Variants in TRAPPC10 observed in about 807,000 individuals in gnomAD.
TRAPPC10 encodes the protein trafficking protein particle complex subunit 10, also known as TRAPP 130 kDa subunit.
TRAPPC10 carries 23 observed loss-of-function variants against 125.5 expected under a neutral mutation model. The observed-to-expected ratio is 0.18, with a 90% CI of 0.13 to 0.26. The LOEUF is 0.26. Ranked by LOEUF, TRAPPC10 falls within the 10% of genes least tolerant of loss-of-function variation. TRAPPC10 has a pLI of 1.00. For synonymous variants in TRAPPC10, 509 were observed against 518.0 expected, an observed-to-expected ratio of 0.98 and a Z score of 0.24; for missense variants, 1,123 against 1,308.4, an observed-to-expected ratio of 0.86 and a Z score of 2.19.
chr21:44,085,362 A>G (rs2038052958), intron 15 of TRAPPC10, among the ~76,000 whole-genome samples: 1 of 152,138 alleles, frequency 6.6e-6, no homozygotes, highest in African/African-American at 2.4e-5. Context: ...ACAGGGTTTC[A>G]TAAATATGTA....
intron 3 of TRAPPC10, among the ~76,000 whole-genome samples, chr21:44,040,079 A>C (rs908080840): frequency 6.6e-6 from 1 of 152,246 alleles, no homozygotes; most frequent in Non-Finnish European, 1.5e-5. Context: ...ATTTGCAACT[A>C]AACTTTTCCT....
intron 3 of TRAPPC10, among the ~76,000 whole-genome samples, chr21:44,041,451 A>G (rs2034413173): frequency 6.6e-6 from 1 of 151,696 alleles, no homozygotes; most frequent in Non-Finnish European, 1.5e-5. Flanking sequence ...ATCTTGGCTC[A>G]CTGCAACCTC....
intron 15 of TRAPPC10, among the ~76,000 whole-genome samples, chr21:44,084,809 C>A (rs556761270): frequency 1.3e-5 from 2 of 152,296 alleles, no homozygotes; most frequent in East Asian, 3.9e-4. Flanking sequence ...CTCTCACAAC[C>A]CCCTTTCTGG....
chr21:44,033,385 T>C (rs1258212526), intron 2 of TRAPPC10, among the ~76,000 whole-genome samples: 1 of 152,182 alleles, frequency 6.6e-6, no homozygotes, highest in Admixed American at 6.5e-5. Flanking sequence ...GTTGCTAATA[T>C]TTAATATAAA....
chr21:44,018,368 C>T (rs1032902112), intron 1 of TRAPPC10, among the ~76,000 whole-genome samples: 1 of 150,600 alleles, frequency 6.6e-6, no homozygotes, highest in Non-Finnish European at 1.5e-5. Flanking sequence ...TTGTACCTCA[C>T]ACTGCAACCT....
At chr21:44,050,991 G>A (rs897103523) in intron 3 of TRAPPC10, among the ~76,000 whole-genome samples, 6 of 152,076 alleles carry the variant, frequency 3.9e-5, no homozygotes, top group African/African-American at 1.2e-4. Context: ...TACAACCTCC[G>A]CCTCCCAGTT....
chr21:44,031,284 G>A (rs138030688), intron 1 of TRAPPC10, among the ~76,000 whole-genome samples: 1,614 of 152,278 alleles, frequency 0.011, 32 homozygotes, highest in African/African-American at 0.037. Flanking sequence ...CTAAAGTAAA[G>A]AGGATCCTCT....
At chr21:44,038,058 G>T in intron 3 of TRAPPC10, 131 bp downstream of exon 3, 1 of 1,290,784 alleles carries the variant, frequency 7.7e-7, no homozygotes, top group South Asian at 1.4e-5. Context: ...AGAGTGCTGT[G>T]TGAGTACCAG....
intron 5 of TRAPPC10, among the ~76,000 whole-genome samples, chr21:44,056,609 C>T (rs1012576417): frequency 6.6e-6 from 1 of 152,176 alleles, no homozygotes; most frequent in Non-Finnish European, 1.5e-5. Context: ...AAATGATCAT[C>T]TCACGGCAGT....
At chr21:44,055,589 AAAAAGG>A in intron 4 of TRAPPC10, 103 bp from the exon 5 acceptor site, 1 of 901,370 alleles carries the variant, frequency 1.1e-6, no homozygotes, top group Non-Finnish European at 1.6e-6. Flanking sequence ...AAAAAAAAAA[AAAAAGG>A]AGGAGGAAGG....
chr21:44,040,463 C>T (rs1392564952), intron 3 of TRAPPC10, among the ~76,000 whole-genome samples: 1 of 152,050 alleles, frequency 6.6e-6, no homozygotes, highest in African/African-American at 2.4e-5. Context: ...CTACCTCAGC[C>T]TCTTGATTGA....
chr21:44,051,715 A>G (rs1218856288), intron 3 of TRAPPC10, among the ~76,000 whole-genome samples: 1 of 152,234 alleles, frequency 6.6e-6, no homozygotes, highest in Non-Finnish European at 1.5e-5. Flanking sequence ...TCACAGCTGT[A>G]GCTGCTTGCC....
intron 1 of TRAPPC10, among the ~76,000 whole-genome samples, chr21:44,015,489 C>G (rs1184893078): frequency 6.6e-6 from 1 of 152,214 alleles, no homozygotes; most frequent in African/African-American, 2.4e-5. Flanking sequence ...ATGGTCATAG[C>G]CGACTGCAGC....
At chr21:44,084,045 G>A (rs572525333) in intron 14 of TRAPPC10, 77 bp from the exon 15 acceptor site, 106 of 1,564,448 alleles carry the variant, frequency 6.8e-5, no homozygotes, top group Non-Finnish European at 8.1e-5. Context: ...CAGAGAGACC[G>A]CTGCACCGCG....
At chr21:44,043,178 C>T (rs2034531832) in intron 3 of TRAPPC10, among the ~76,000 whole-genome samples, 1 of 148,404 alleles carries the variant, frequency 6.7e-6, no homozygotes, top group Non-Finnish European at 1.5e-5. Context: ...ATTGTCTATC[C>T]TGTGCCAGAA....
chr21:44,079,925 C>G (rs1179998709), intron 12 of TRAPPC10, 90 bp from the exon 13 acceptor site: 9 of 1,240,062 alleles, frequency 7.3e-6, no homozygotes, highest in Middle Eastern at 3.8e-4. Context: ...GCTTTTGAAG[C>G]CTCTGTGAAG....
intron 17 of TRAPPC10, chr21:44,088,515 C>G (rs2038304208): frequency 6.4e-6 from 1 of 157,284 alleles, no homozygotes. Context: ...AGTATACGCC[C>G]AAGAGCAGCG....
chr21:44,017,560 A>C (rs140187510), intron 1 of TRAPPC10, among the ~76,000 whole-genome samples: 1 of 152,270 alleles, frequency 6.6e-6, no homozygotes, highest in Non-Finnish European at 1.5e-5. Context: ...CCAGTAATTT[A>C]TTAAATATTA....
chr21:44,064,113 C>T (rs1029400748), intron 7 of TRAPPC10, among the ~76,000 whole-genome samples: 2 of 152,156 alleles, frequency 1.3e-5, no homozygotes, highest in African/African-American at 2.4e-5. Context: ...CTGAGGGACA[C>T]GCAGAGCTAG....
Sources: allele counts gnomAD v4.1 joint callset (sites outside exome capture counted in the v4.1 genomes callset), GRCh38; gene constraint gnomAD v4.1.1; transcripts MANE v1.5; gene names NCBI Gene and HGNC (gene_info 2026-07-23, HGNC 2026-07-21).